MGAT4C: variants seen among roughly 807,000 people sequenced by gnomAD.
The protein encoded by MGAT4C is alpha-1,3-mannosyl-glycoprotein 4-beta-N-acetylglucosaminyltransferase C.
Under a neutral mutation model 40.1 loss-of-function variants are expected in MGAT4C, and 19 were observed. The ratio of observed to expected loss-of-function variants is 0.47; its 90% CI spans 0.33 to 0.70. The LOEUF is 0.70. Ranked by LOEUF, MGAT4C falls within the 30% of genes least tolerant of loss-of-function variation. MGAT4C has a pLI of 0.02. For synonymous variants in MGAT4C, 181 were observed against 187.1 expected (o/e 0.97, Z 0.27); for missense variants, 491 against 563.2 (o/e 0.87, Z 1.30).
chr12:86,045,039 G>A (rs1041299651), intron 2 of MGAT4C, among the ~76,000 whole-genome samples: 4 of 151,950 alleles, frequency 2.6e-5, no homozygotes, highest in Non-Finnish European at 5.9e-5. Flanking sequence ...TGGTAGTCCC[G>A]TTCAGGGTTC....
intron 3 of MGAT4C, among the ~76,000 whole-genome samples, chr12:86,339,058 T>C (rs1477765602): frequency 2.6e-5 from 4 of 151,194 alleles, no homozygotes; most frequent in Non-Finnish European, 4.4e-5. Context: ...GCTGATAACA[T>C]GCATTATGTC....
intron 2 of MGAT4C, among the ~76,000 whole-genome samples, chr12:86,725,733 G>A (rs1158671312): frequency 6.6e-6 from 1 of 151,820 alleles, no homozygotes; most frequent in Non-Finnish European, 1.5e-5. Context: ...AAAGGGCTAG[G>A]ATTACAGGCG....
At chr12:86,197,155 G>A (rs1326597641) in intron 1 of MGAT4C, among the ~76,000 whole-genome samples, 1 of 152,128 alleles carries the variant, frequency 6.6e-6, no homozygotes, top group Non-Finnish European at 1.5e-5. Flanking sequence ...CCACTTTATG[G>A]CAAGACTGCC....
intron 2 of MGAT4C, among the ~76,000 whole-genome samples, chr12:86,722,183 G>A (rs1320945738): frequency 2.0e-5 from 3 of 152,136 alleles, no homozygotes; most frequent in African/African-American, 7.2e-5. Context: ...GACAGCAGGA[G>A]GGAGGGCACT....
chr12:86,363,291 T>A (rs564175236), intron 3 of MGAT4C, among the ~76,000 whole-genome samples: 1 of 152,096 alleles, frequency 6.6e-6, no homozygotes, highest in African/African-American at 2.4e-5. Flanking sequence ...TTAGAAGAAT[T>A]GTAATCAATA....
chr12:86,682,163 C>A lies in MGAT4C; in HGVS notation c.-229+45046G>T, dbSNP rs373893537. 7.9e-5 allele frequency among the ~76,000 whole-genome samples: 12 copies of A among 152,052 alleles called. No homozygotes were observed. The East Asian group carries it at 9.7e-4, about 12-fold the overall frequency. ...ATAGTTCTAACAATTCTGAAACAAC[C>A]ATTATGAGCAAGTTTTGTAGGCATG... On this transcript the variant is annotated intron_variant, in intron 2 of 7. Transcript: ENST00000548651.
chr12:86,099,146 T>A (rs1479762342), intron 1 of MGAT4C, among the ~76,000 whole-genome samples: 1 of 151,482 alleles, frequency 6.6e-6, no homozygotes, highest in Non-Finnish European at 1.5e-5. Flanking sequence ...TTATTACATG[T>A]GGTGTGTTAT....
intron 2 of MGAT4C, among the ~76,000 whole-genome samples, chr12:86,499,898 G>A (rs1958308109): frequency 6.6e-6 from 1 of 151,892 alleles, no homozygotes; most frequent in African/African-American, 2.4e-5. Flanking sequence ...ATCATGGAGA[G>A]AAGACAAACA....
intron 1 of MGAT4C, among the ~76,000 whole-genome samples, chr12:86,138,217 T>C (rs145047343): frequency 1.7e-3 from 260 of 151,876 alleles, no homozygotes; most frequent in African/African-American, 6.0e-3. Flanking sequence ...ATTCCTGAGT[T>C]CCTCAGCACT....
Position 85,958,431 on chromosome 12 carries a change from A to T in MGAT4C, c.*20858T>A, listed in dbSNP as rs532948605. 1 of 152,290 alleles carries T rather than the reference A, an allele frequency of 6.6e-6. No homozygotes were observed. The highest frequency in any genetic ancestry group is 2.4e-5 in the African/African-American group (1 of 41,564). 9.4% of individuals were successfully genotyped at this position (152,290 alleles called of 1,614,324 possible). ...AATACCTGTATCTCAAATTCATTTA[A>T]CTTTTCAATGAATCAATCTTCTTAT... On this transcript the variant is annotated 3_prime_UTR_variant, in exon 5 of 5. Coordinates refer to ENST00000611864, the MANE Select transcript of MGAT4C (RefSeq NM_001351288.2).
intron 4 of MGAT4C, among the ~76,000 whole-genome samples, chr12:86,300,700 C>A (rs1005933819): frequency 3.3e-5 from 5 of 150,904 alleles, no homozygotes; most frequent in African/African-American, 1.2e-4. Context: ...ATATAACCTG[C>A]CATGTAGCAA....
chr12:86,570,154 C>T (rs1028469160), intron 2 of MGAT4C, among the ~76,000 whole-genome samples: 2 of 151,890 alleles, frequency 1.3e-5, no homozygotes, highest in East Asian at 1.9e-4. Context: ...ATAGTTAATA[C>T]GTTGTACAAT....
At chr12:86,689,280 G>A (rs1007593889) in intron 2 of MGAT4C, among the ~76,000 whole-genome samples, 5 of 152,054 alleles carry the variant, frequency 3.3e-5, no homozygotes, top group African/African-American at 1.2e-4. Context: ...CTTGCCCTGG[G>A]TTAGAACACG....
At chr12:86,485,104 C>T (rs1315878825) in intron 2 of MGAT4C, among the ~76,000 whole-genome samples, 1 of 152,140 alleles carries the variant, frequency 6.6e-6, no homozygotes, top group Admixed American at 6.6e-5. Context: ...ACAAAGCTTA[C>T]AGACTATACT....
intron 2 of MGAT4C, among the ~76,000 whole-genome samples, chr12:86,720,835 A>C (rs1593149413): frequency 6.6e-6 from 1 of 152,206 alleles, no homozygotes; most frequent in East Asian, 1.9e-4. Context: ...ATTCAAGAAG[A>C]TAATTAAAAT....
At chr12:86,232,209 A>T (rs1025234584) in intron 1 of MGAT4C, among the ~76,000 whole-genome samples, 1 of 152,128 alleles carries the variant, frequency 6.6e-6, no homozygotes, top group African/African-American at 2.4e-5. Flanking sequence ...TTTCAGCAAG[A>T]TGGTCCCATT....
intron 1 of MGAT4C, among the ~76,000 whole-genome samples, chr12:86,054,372 C>T (rs908009367): frequency 1.3e-5 from 2 of 151,860 alleles, no homozygotes; most frequent in Non-Finnish European, 2.9e-5. Flanking sequence ...TATAAAAAAG[C>T]TGAACTGATA....
chr12:86,010,663 G>A (rs1888365500), intron 2 of MGAT4C, among the ~76,000 whole-genome samples: 1 of 151,660 alleles, frequency 6.6e-6, no homozygotes. Flanking sequence ...GAGTGACAGA[G>A]CAAGACTCTG....
chr12:86,087,260 A>G (rs1407951427), intron 1 of MGAT4C, among the ~76,000 whole-genome samples: 1 of 152,096 alleles, frequency 6.6e-6, no homozygotes, highest in African/African-American at 2.4e-5. Flanking sequence ...CATAGTGACT[A>G]TAACTTAATT....
Sources: allele counts gnomAD v4.1 joint callset (sites outside exome capture counted in the v4.1 genomes callset), GRCh38; gene constraint gnomAD v4.1.1; transcripts MANE v1.5; gene names NCBI Gene and HGNC (gene_info 2026-07-23, HGNC 2026-07-21).